The following RUNX3 variants were observed in gnomAD, a reference collection of about 807,000 sequenced individuals.
RUNX3 encodes the protein runt-related transcription factor 3.
A neutral mutation model predicts 27.7 loss-of-function variants in RUNX3; 10 were observed. The observed-to-expected ratio is 0.36, with a 90% CI of 0.22 to 0.61. The LOEUF (loss-of-function observed/expected upper bound fraction) is 0.61. Among genes scored for constraint, RUNX3 ranks in the 20% least tolerant of loss-of-function variants. The pLI, the probability that RUNX3 is intolerant of heterozygous loss-of-function variation, is 0.72. For synonymous variants in RUNX3, 270 were observed against 269.2 expected (o/e 1.00, Z -0.03); for missense variants, 469 against 629.5 (o/e 0.75, Z 2.73).
rs372903953 is a variant in RUNX3 at position 24,942,863 on chromosome 1, G to A, written c.59-13011C>T. On this transcript the variant is annotated intron_variant, in intron 2 of 6. Transcript: ENST00000338888. ...CCCGCCTCCCAGCCTGGTGCTCCTCGGAGCCTGCCCATTGCCTGGCATGTT... is the reference window on the plus strand; with the variant it reads ...CCCGCCTCCCAGCCTGGTGCTCCTCAGAGCCTGCCCATTGCCTGGCATGTT... Among the ~76,000 whole-genome samples, 112 of 152,322 alleles carry A rather than the reference G, an allele frequency of 7.4e-4. 1 individual carries two copies. The highest frequency in any genetic ancestry group is 2.4e-3 in the African/African-American group (101 of 41,556).
chr1:24,922,408 C>T (rs1426553716), intron 2 of RUNX3, among the ~76,000 whole-genome samples: 5 of 152,124 alleles, frequency 3.3e-5, no homozygotes, highest in Non-Finnish European at 7.3e-5. Context: ...TAACCTCTAA[C>T]TGAAATTTAG....
intron 2 of RUNX3, among the ~76,000 whole-genome samples, chr1:24,948,683 CAG>C (rs1204724158): frequency 6.8e-6 from 1 of 146,604 alleles, no homozygotes; most frequent in East Asian, 2.0e-4. Flanking sequence ...GCGTGCAAGA[CAG>C]AGGTGCATGG....
rs142340647 is a variant in RUNX3, at chr1:24,935,623, A to C, written c.59-5771T>G. On this transcript the variant is annotated intron_variant, in intron 2 of 6. Coordinates refer to the RUNX3 transcript ENST00000338888. ...GGGGTTTCTGGTTTCAGATCCCATC[A>C]CTTGGTGGGGCCTTCCTACCACCCT... 5.7e-3 allele frequency among the ~76,000 whole-genome samples: 871 copies of C among 152,308 alleles called. 16 individuals carry two copies. The highest frequency in any genetic ancestry group is 0.02 in the African/African-American group (833 of 41,572).
At chr1:24,952,785 G>A (rs1396919941) in intron 2 of RUNX3, among the ~76,000 whole-genome samples, 2 of 152,156 alleles carry the variant, frequency 1.3e-5, no homozygotes, top group Non-Finnish European at 2.9e-5. Flanking sequence ...GTTCACAAAG[G>A]TTAAGTGGGC....
At chr1:24,936,582 G>T (rs2124326238) in intron 2 of RUNX3, among the ~76,000 whole-genome samples, 1 of 152,326 alleles carries the variant, frequency 6.6e-6, no homozygotes, top group South Asian at 2.1e-4. Context: ...TAGGAAGGAA[G>T]AGTCTCACTC....
At chr1:24,941,293 A>G (rs1641473816) in intron 2 of RUNX3, among the ~76,000 whole-genome samples, 1 of 152,200 alleles carries the variant, frequency 6.6e-6, no homozygotes, top group Non-Finnish European at 1.5e-5. Flanking sequence ...CAGGCAAGGA[A>G]GTCCCTTGCA....
Position 24,919,292 on chromosome 1 carries a change from C to G in RUNX3, c.492G>C (p.Ala164=). The change falls in exon 3 of 5, where the codon GCG becomes GCC. Residue 164 remains alanine (A), a synonymous_variant. Transcript: ENST00000308873. ...ITVFTNPTQV[A]TYHRAIKVTV... The stretch of plus-strand genomic sequence containing the variant: ...TCACCTTGATGGCTCGGTGGTAGGT[C>G]GCCACTTGGGTGGGGTTGGTGAACA... The G allele has an allele frequency of 6.2e-7, 1 of 1,605,040 alleles. No homozygotes were observed. The highest frequency in any genetic ancestry group is 8.5e-7 in the Non-Finnish European group (1 of 1,176,284).
chr1:24,930,773 C>T (rs1386462998), upstream of RUNX3, among the ~76,000 whole-genome samples: 6 of 152,222 alleles, frequency 3.9e-5, no homozygotes, highest in African/African-American at 1.4e-4. This position sits in a 1 kb window ranked among gnomAD's most constrained non-coding sequence, Gnocchi z 4.1. Context: ...TCGTCCCGCA[C>T]ATTATTCTGA....
chr1:24,963,261 C>T (rs1642167058), intron 2 of RUNX3, among the ~76,000 whole-genome samples: 1 of 152,246 alleles, frequency 6.6e-6, no homozygotes, highest in Non-Finnish European at 1.5e-5. Flanking sequence ...CTCAAACACC[C>T]AAATGTGTCT....
intron 3 of RUNX3, among the ~76,000 whole-genome samples, chr1:24,908,146 TCCGAACC>T (rs1640714745): frequency 1.5e-5 from 2 of 129,988 alleles, no homozygotes; most frequent in African/African-American, 7.0e-5. Flanking sequence ...CACGCGGTGA[TCCGAACC>T]TCTACGACAC....
chr1:24,931,526 C>A (rs939364138), upstream of RUNX3, among the ~76,000 whole-genome samples: 3 of 152,210 alleles, frequency 2.0e-5, no homozygotes, highest in Admixed American at 6.5e-5. Context: ...CTCTGGGGAA[C>A]GAACGCGTGC....
At chr1:24,935,366 A>C (rs1276451420) in intron 2 of RUNX3, among the ~76,000 whole-genome samples, 2 of 152,116 alleles carry the variant, frequency 1.3e-5, no homozygotes, top group Non-Finnish European at 1.5e-5. Flanking sequence ...TTGTGACCCG[A>C]GGCCCCTCCT....
Position 24,927,670 on chromosome 1 carries a change from C to T in RUNX3, c.343G>A (p.Glu115Lys). 1 of 1,614,110 alleles carries T rather than the reference C, an allele frequency of 6.2e-7. No individual in the cohort carries two copies. The highest frequency in any genetic ancestry group is 8.5e-7 in the Non-Finnish European group (1 of 1,180,000). ...TTGCGCAGCTCAGCGGAGTAGTTCT[C>T]GTCATTGCCTGCCATCACAGTCACC... ...TVVTVMAGND[E>K]NYSAELRNAS... is the part of the protein sequence containing the mutation. Residue 115 changes from glutamate to lysine, a missense_variant, in exon 2 of 5, where the codon GAG (glutamate) becomes AAG (lysine). Transcript: ENST00000308873. This position sits in a 1 kb window ranked among gnomAD's most constrained non-coding sequence, Gnocchi z 5.0.
intron 2 of RUNX3, among the ~76,000 whole-genome samples, chr1:24,956,264 T>A (rs1641921578): frequency 1.3e-5 from 2 of 152,274 alleles, no homozygotes; most frequent in African/African-American, 4.8e-5. Context: ...TGGGACTGCC[T>A]CTTCCTCTTT....
chr1:24,929,549 CAGGGCCGGCGCCCT>C (rs1641171553), intron 1 of RUNX3, 24 bp downstream of exon 1: 1 of 1,530,102 alleles, frequency 6.5e-7, no homozygotes, highest in African/African-American at 1.8e-5. Context: ...CCCGGAGCCC[CAGGGCCGGCGCCCT>C]CCCGCCCCGG....
upstream of RUNX3, among the ~76,000 whole-genome samples, chr1:24,930,738 G>A (rs1032615210): frequency 2.0e-5 from 3 of 152,136 alleles, no homozygotes; most frequent in African/African-American, 7.2e-5. This position sits in a 1 kb window ranked among gnomAD's most constrained non-coding sequence, Gnocchi z 4.1. Context: ...ACTGGGAGCC[G>A]CCCCAAAGAG....
At chr1:24,949,457 A>AC (rs1641703028) in intron 2 of RUNX3, among the ~76,000 whole-genome samples, 1 of 152,054 alleles carries the variant, frequency 6.6e-6, no homozygotes. Context: ...CCCAGCACCC[A>AC]CACCAAGGAC....
intron 2 of RUNX3, among the ~76,000 whole-genome samples, chr1:24,946,383 TC>T: frequency 1.3e-5 from 1 of 77,178 alleles, no homozygotes; most frequent in Admixed American, 1.4e-4. Context: ...TTCCCCGCCC[TC>T]CCTCCCTTCT....
At chr1:24,909,150 G>C (rs1463605401) in intron 3 of RUNX3, among the ~76,000 whole-genome samples, 1 of 152,196 alleles carries the variant, frequency 6.6e-6, no homozygotes, top group African/African-American at 2.4e-5. Flanking sequence ...GGCCTGCTGA[G>C]GCCGAGGGAC....
Sources: allele counts gnomAD v4.1 joint callset (sites outside exome capture counted in the v4.1 genomes callset), GRCh38; gene constraint gnomAD v4.1.1; non-coding constraint Gnocchi (gnomAD v3.1); transcripts MANE v1.5; gene names NCBI Gene and HGNC (gene_info 2026-07-23, HGNC 2026-07-21).